The following KDM4F variants were observed in gnomAD, a reference collection of about 807,000 sequenced individuals.
KDM4F encodes the protein probable lysine-specific demethylase 4F.
For missense variants in KDM4F, 586 were observed against 496.4 expected (o/e 1.18, Z -1.71); for synonymous variants, 223 against 184.4 (o/e 1.21, Z -1.70).
chr11:95,049,647 A>G (rs1858490667), exon 1 of KDM4F: 1 of 1,598,290 alleles, frequency 6.3e-7, no homozygotes, highest in Non-Finnish European at 8.5e-7. Context: ...CCAGCAGGTG[A>G]CCTCTGGGCA....
exon 1 of KDM4F, chr11:95,049,841 C>T: frequency 6.2e-7 from 1 of 1,602,114 alleles, no homozygotes; most frequent in Admixed American, 1.7e-5. Context: ...TCAGCGGCTC[C>T]TTATTTGAAG....
At chr11:95,050,568 A>C in exon 1 of KDM4F, 1 of 680,450 alleles carries the variant, frequency 1.5e-6, no homozygotes, top group Non-Finnish European at 2.7e-6. Context: ...CAGCTGTCCC[A>C]CACGGACTGT....
exon 1 of KDM4F, chr11:95,050,187 A>G: frequency 6.5e-7 from 1 of 1,546,580 alleles, no homozygotes; most frequent in Non-Finnish European, 8.9e-7. Flanking sequence ...AAAGAATGGG[A>G]TCCCCTTCAA....
At chr11:95,050,411 T>C (rs1858499706) in exon 1 of KDM4F, 1 of 867,592 alleles carries the variant, frequency 1.2e-6, no homozygotes, top group South Asian at 1.3e-5. Context: ...CCGAGAGCTA[T>C]GAGCTCTGGA....
exon 1 of KDM4F, chr11:95,050,455 T>C (rs1858500025): frequency 3.9e-6 from 3 of 775,644 alleles, no homozygotes; most frequent in Non-Finnish European, 6.7e-6. Flanking sequence ...GTGGATTACA[T>C]GGAGCCCAGG....
chr11:95,050,618 C>G, exon 1 of KDM4F: 1 of 630,590 alleles, frequency 1.6e-6, no homozygotes, highest in Non-Finnish European at 2.8e-6. Flanking sequence ...GCGGTGGTAC[C>G]GATGCTGTGC....
At chr11:95,050,838 C>T (rs1306240481) in exon 1 of KDM4F, 23 of 551,486 alleles carry the variant, frequency 4.2e-5, no homozygotes, top group Non-Finnish European at 5.8e-5. Context: ...AGCTCCAGGC[C>T]GCAAACCTCA....
chr11:95,050,419 G>T (rs543703955), exon 1 of KDM4F: 4 of 844,698 alleles, frequency 4.7e-6, no homozygotes, highest in Non-Finnish European at 8.1e-6. Flanking sequence ...TATGAGCTCT[G>T]GAAACACAGG....
exon 1 of KDM4F, chr11:95,049,858 C>G: frequency 6.2e-7 from 1 of 1,606,928 alleles, no homozygotes; most frequent in South Asian, 1.1e-5. Flanking sequence ...GAAGAAAGCA[C>G]TAAACAATGG....
At chr11:95,050,807 C>T (rs1192086763) in exon 1 of KDM4F, 1 of 606,660 alleles carries the variant, frequency 1.6e-6, no homozygotes, top group East Asian at 2.8e-5. Context: ...AGAGGCGCCT[C>T]TCAGTGGGGA....
exon 1 of KDM4F, chr11:95,050,292 A>C (rs1858498247): frequency 7.0e-7 from 1 of 1,432,594 alleles, no homozygotes; most frequent in African/African-American, 1.4e-5. Flanking sequence ...AGAGGCCATC[A>C]ACTTTGCCAC....
chr11:95,050,588 GCTC>G, exon 1 of KDM4F: 2 of 662,966 alleles, frequency 3.0e-6, no homozygotes, highest in Non-Finnish European at 5.4e-6. Context: ...TGGCCCCAAG[GCTC>G]TGTTACAACC....
At chr11:95,049,900 T>A (rs902510848) in exon 1 of KDM4F, 4 of 1,610,780 alleles carry the variant, frequency 2.5e-6, no homozygotes, top group Admixed American at 3.3e-5. Context: ...ATTCTGGACC[T>A]GTTGGAGCAG....
exon 1 of KDM4F, chr11:95,050,226 A>G: frequency 6.4e-7 from 1 of 1,557,834 alleles, no homozygotes; most frequent in Non-Finnish European, 8.9e-7. Context: ...TGGGGAGTTC[A>G]TGGTGACTTT....
exon 1 of KDM4F, chr11:95,051,198 A>G: frequency 5.0e-6 from 2 of 398,864 alleles, no homozygotes; most frequent in Non-Finnish European, 8.8e-6. Flanking sequence ...TAAGTTTTCC[A>G]GGATCTCCTG....
exon 1 of KDM4F, chr11:95,050,565 C>G (rs1321713600): frequency 1.5e-6 from 1 of 681,254 alleles, no homozygotes; most frequent in Non-Finnish European, 2.7e-6. Context: ...AACCAGCTGT[C>G]CCACACGGAC....
At chr11:95,049,444 C>T (rs1858488440) in exon 1 of KDM4F, 2 of 1,471,408 alleles carry the variant, frequency 1.4e-6, no homozygotes, top group Non-Finnish European at 9.1e-7. Flanking sequence ...CACTCCAGTC[C>T]CCAGAACACG....
exon 1 of KDM4F, chr11:95,050,047 G>C (rs1392882520): frequency 1.9e-6 from 3 of 1,607,494 alleles, no homozygotes; most frequent in Non-Finnish European, 2.6e-6. Flanking sequence ...CCCAAAACTT[G>C]GTACGTGGTG....
In KDM4F at chr11:95,049,976, G is replaced by A. The variant is rs533402575; in HGVS notation, c.555G>A (p.Thr185=). 39 of 1,614,234 alleles carry A rather than the reference G, an allele frequency of 2.4e-5. No homozygotes were observed. The African/African-American group carries it at 4.8e-4, about 20-fold the overall frequency. Reference sequence around the variant, plus strand: ...TGTACTTTGGCATGTGGAAGACCACGTTTGCTTGGCACACGGAGGACATGG... The same window carrying A: ...TGTACTTTGGCATGTGGAAGACCACATTTGCTTGGCACACGGAGGACATGG... Residue 185 remains threonine, a synonymous_variant, in exon 1 of 1, where the codon ACG becomes ACA. Transcript: ENST00000545950.
Sources: allele counts gnomAD v4.1 joint callset, GRCh38; gene constraint gnomAD v4.1.1; transcripts MANE v1.5; gene names NCBI Gene and HGNC (gene_info 2026-07-23, HGNC 2026-07-21).